JARID2: variants seen among roughly 807,000 people sequenced by gnomAD.
The protein encoded by JARID2 is jumonji and AT-rich interaction domain containing 2.
In JARID2, 21 loss-of-function variants were observed where a neutral mutation model predicts 125.6. That is an observed-to-expected ratio of 0.17 (90% CI 0.12 to 0.24). The LOEUF is 0.24. Ranked by LOEUF, JARID2 falls within the 10% of genes least tolerant of loss-of-function variation. JARID2 has a pLI of 1.00. For missense variants in JARID2, 1,303 were observed against 1,639.6 expected (o/e 0.79, Z 3.55); for synonymous variants, 736 against 661.6 (o/e 1.11, Z -1.73).
At position 15,248,896 on chromosome 6, in the gene JARID2, GGAGGAGGAA is replaced by G. The variant is rs1313478985; in HGVS notation, c.45+2324_45+2332del. 1.2e-4 allele frequency: 114 copies of G among 985,514 alleles called. No individual in the cohort carries two copies. In the East Asian group the frequency reaches 0.012, roughly 99 times the overall value. The allele number at this position is 985,514 out of a possible 1,614,324, so 61.0% of individuals were successfully genotyped here. On this transcript the variant is annotated intron_variant, in intron 1 of 17. Coordinates refer to ENST00000341776, the MANE Select transcript of JARID2 (RefSeq NM_004973.4). ...TGCCGCAGAGCCGGGCTGCGGCGTG[GGAGGAGGAA>G]GAGGAGGAAGATGCGCTCGGCCTCT...
chr6:15,407,355 G>GT (rs1470200117), intron 2 of JARID2, among the ~76,000 whole-genome samples: 5 of 152,064 alleles, frequency 3.3e-5, no homozygotes, highest in Admixed American at 6.5e-5. Context: ...ACACTTGGGG[G>GT]GTGATTCGCA....
intron 1 of JARID2, among the ~76,000 whole-genome samples, chr6:15,282,494 A>T (rs1760791239): frequency 6.6e-6 from 1 of 151,226 alleles, no homozygotes; most frequent in South Asian, 2.1e-4. Context: ...ATCCACTATT[A>T]TATTGGGTTG....
At chr6:15,384,332 C>T (rs566477108) in intron 2 of JARID2, among the ~76,000 whole-genome samples, 12 of 150,686 alleles carry the variant, frequency 8.0e-5, no homozygotes, top group African/African-American at 2.2e-4. Flanking sequence ...GCTGTTCCTT[C>T]GAAAGTCAAG....
At chr6:15,323,163 TG>T (rs1421649681) in intron 1 of JARID2, among the ~76,000 whole-genome samples, 1 of 152,262 alleles carries the variant, frequency 6.6e-6, no homozygotes, top group Non-Finnish European at 1.5e-5. Context: ...TAGCTCTGTG[TG>T]GGTGGTGGGC....
intron 1 of JARID2, among the ~76,000 whole-genome samples, chr6:15,341,658 A>G (rs1229665463): frequency 6.6e-6 from 1 of 152,208 alleles, no homozygotes; most frequent in African/African-American, 2.4e-5. Flanking sequence ...AGAGGTGCCA[A>G]GTAAGTTTGC....
intron 1 of JARID2, among the ~76,000 whole-genome samples, chr6:15,351,692 TG>T (rs1763434837): frequency 6.6e-6 from 1 of 152,220 alleles, no homozygotes; most frequent in African/African-American, 2.4e-5. Flanking sequence ...GACCAATGTA[TG>T]GATTCAACTG....
chr6:15,271,716 C>T (rs1018711286), intron 1 of JARID2, among the ~76,000 whole-genome samples: 10 of 152,122 alleles, frequency 6.6e-5, no homozygotes, highest in South Asian at 4.1e-4. Context: ...AACAGTGATG[C>T]GGGCCAAGCA....
chr6:15,346,670 C>CT (rs1763254240), intron 1 of JARID2, among the ~76,000 whole-genome samples: 1 of 151,822 alleles, frequency 6.6e-6, no homozygotes, highest in Non-Finnish European at 1.5e-5. Context: ...TTGTTCTGCT[C>CT]TAACAACGTC....
chr6:15,499,158 C>T (rs1770607199), intron 7 of JARID2, among the ~76,000 whole-genome samples: 1 of 152,172 alleles, frequency 6.6e-6, no homozygotes, highest in African/African-American at 2.4e-5. Context: ...CTGTCTGTGA[C>T]CCAGCAAGGC....
At chr6:15,456,503 A>G (rs1418210734) in intron 4 of JARID2, among the ~76,000 whole-genome samples, 1 of 152,188 alleles carries the variant, frequency 6.6e-6, no homozygotes, top group African/African-American at 2.4e-5. Flanking sequence ...TTCTGTTCGT[A>G]TACAATATTG....
At chr6:15,514,963 T>C (rs942354504) in intron 16 of JARID2, among the ~76,000 whole-genome samples, 3 of 152,214 alleles carry the variant, frequency 2.0e-5, no homozygotes, top group Non-Finnish European at 4.4e-5. Context: ...AAGAAAATGA[T>C]GATAAGCATT....
intron 1 of JARID2, among the ~76,000 whole-genome samples, chr6:15,294,107 A>T (rs1188207020): frequency 2.0e-5 from 3 of 152,216 alleles, no homozygotes; most frequent in Non-Finnish European, 4.4e-5. Flanking sequence ...GAAGTGAGGG[A>T]CTTGCACAGA....
chr6:15,441,033 C>T (rs1040720385), intron 3 of JARID2, among the ~76,000 whole-genome samples: 3 of 151,912 alleles, frequency 2.0e-5, no homozygotes, highest in Non-Finnish European at 4.4e-5. Flanking sequence ...TGTCAGAGCC[C>T]CAAAATGTGG....
intron 11 of JARID2, among the ~76,000 whole-genome samples, chr6:15,508,040 G>T (rs1003864087): frequency 1.3e-5 from 2 of 152,222 alleles, no homozygotes; most frequent in African/African-American, 4.8e-5. Context: ...CTTGAGGCTT[G>T]GGGGCTTCGG....
intron 1 of JARID2, among the ~76,000 whole-genome samples, chr6:15,280,747 A>G (rs1760719823): frequency 1.3e-5 from 2 of 150,492 alleles, no homozygotes; most frequent in East Asian, 2.0e-4. Flanking sequence ...TCCTGCCTCA[A>G]CCTCCCGAAT....
chr6:15,310,636 A>G (rs777176968), intron 1 of JARID2, among the ~76,000 whole-genome samples: 12 of 152,164 alleles, frequency 7.9e-5, no homozygotes, highest in Admixed American at 2.6e-4. Context: ...GCCCTTCTAC[A>G]TAAGCATCTG....
At chr6:15,431,683 C>G (rs1275789048) in intron 3 of JARID2, among the ~76,000 whole-genome samples, 1 of 152,136 alleles carries the variant, frequency 6.6e-6, no homozygotes, top group African/African-American at 2.4e-5. Context: ...TTATCTTTTT[C>G]CCTTTCAATG....
intron 2 of JARID2, among the ~76,000 whole-genome samples, chr6:15,390,877 A>G (rs1764974969): frequency 1.3e-5 from 2 of 152,202 alleles, no homozygotes; most frequent in Non-Finnish European, 2.9e-5. Context: ...CCAAGGGTTC[A>G]GAAAACCGAC....
chr6:15,500,905 A>G lies in JARID2; in HGVS notation c.1946-2A>G. On this transcript the variant is annotated splice_acceptor_variant, in intron 7 of 17. Coordinates refer to ENST00000341776, the MANE Select transcript of JARID2 (RefSeq NM_004973.4). LOFTEE classifies it high-confidence loss of function. ...CCGTTTTTTTCCCCTTCGCTGTCCC[A>G]GGGGGCTGTGAGCTCGACCTGGCCT... 1 of 1,597,684 alleles carries G rather than the reference A, an allele frequency of 6.3e-7. No individual in the cohort carries two copies.
Sources: gnomAD v4.1 joint callset for allele counts (sites outside exome capture counted in the v4.1 genomes callset) on GRCh38, gnomAD v4.1.1 for gene constraint, MANE v1.5 for transcripts, NCBI Gene and HGNC (gene_info 2026-07-23, HGNC 2026-07-21) for gene names.